Variants in ANO1 observed in about 807,000 individuals in gnomAD.
The protein encoded by ANO1 is anoctamin-1.
ANO1 carries 59 observed loss-of-function variants against 124.0 expected under a neutral mutation model. The observed-to-expected ratio is 0.48, with a 90% CI of 0.39 to 0.59. ANO1 has a LOEUF of 0.59. ANO1 is among the 20% of genes least tolerant of loss of function. The pLI is 0.00. For synonymous variants in ANO1, 529 were observed against 532.0 expected (o/e 0.99, Z 0.08); for missense variants, 1,059 against 1,328.0 (o/e 0.80, Z 3.15).
chr11:70,111,587 G>A, intron 6 of ANO1, 120 bp from the exon 7 acceptor site: 2 of 931,038 alleles, frequency 2.1e-6, no homozygotes, highest in Non-Finnish European at 3.5e-6. Context: ...TGCGTAGTCA[G>A]GTTCGTTTCA....
At chr11:70,132,481 C>T (rs914221791) in intron 11 of ANO1, among the ~76,000 whole-genome samples, 2 of 152,170 alleles carry the variant, frequency 1.3e-5, no homozygotes, top group African/African-American at 4.8e-5. Flanking sequence ...CCCGGAGGCA[C>T]CGTGTCTCAC....
At chr11:70,111,850 C>A in intron 7 of ANO1, 88 bp downstream of exon 7, 2 of 1,324,328 alleles carry the variant, frequency 1.5e-6, no homozygotes, top group Non-Finnish European at 2.2e-6. Flanking sequence ...CTGCAATTAT[C>A]CTGTGGTCAC....
At chr11:70,179,775 C>G (rs563358543) in intron 22 of ANO1, among the ~76,000 whole-genome samples, 1 of 152,290 alleles carries the variant, frequency 6.6e-6, no homozygotes, top group South Asian at 2.1e-4. Flanking sequence ...CTTTAAGCAC[C>G]TCTTTTAGAA....
At chr11:70,110,426 T>C (rs1458927456) in intron 6 of ANO1, among the ~76,000 whole-genome samples, 1 of 152,134 alleles carries the variant, frequency 6.6e-6, no homozygotes, top group African/African-American at 2.4e-5. Context: ...GACCTCGTGA[T>C]CCACCTGCCT....
At chr11:70,171,411 G>A (rs978395294) in intron 22 of ANO1, among the ~76,000 whole-genome samples, 3 of 152,168 alleles carry the variant, frequency 2.0e-5, no homozygotes, top group Non-Finnish European at 4.4e-5. Context: ...CAAGACCAAC[G>A]GGAAAGGAGT....
intron 1 of ANO1, among the ~76,000 whole-genome samples, chr11:70,057,434 T>TTTTGTG (rs1857464275): frequency 6.7e-6 from 1 of 149,810 alleles, no homozygotes. Context: ...AACTCCAATT[T>TTTTGTG]TGTGTGTGTG....
chr11:70,036,055 C>T (rs1476733094), intron 1 of ANO1, among the ~76,000 whole-genome samples: 1 of 152,138 alleles, frequency 6.6e-6, no homozygotes, highest in Non-Finnish European at 1.5e-5. Context: ...TAGGAGTCTC[C>T]TGAGACTGTT....
At chr11:70,085,768 C>A (rs1163434278) in intron 1 of ANO1, 5 of 1,365,442 alleles carry the variant, frequency 3.7e-6, no homozygotes, top group African/African-American at 1.5e-5. Flanking sequence ...TTCCCTCCCC[C>A]TCTCCCCCAC....
the ANO1 span, among the ~76,000 whole-genome samples, chr11:69,975,415 C>G: frequency 6.6e-6 from 1 of 152,238 alleles, no homozygotes; most frequent in African/African-American, 2.4e-5. Flanking sequence ...GACCCACTAA[C>G]AGCCACAGGC....
At chr11:70,161,952 T>TG (rs2048060146) in intron 18 of ANO1, among the ~76,000 whole-genome samples, 1 of 151,064 alleles carries the variant, frequency 6.6e-6, no homozygotes, top group Non-Finnish European at 1.5e-5. Flanking sequence ...ACCCAGGCAG[T>TG]GGGGACCCCA....
chr11:70,108,837 C>T (rs765543833), intron 6 of ANO1, among the ~76,000 whole-genome samples: 1 of 152,172 alleles, frequency 6.6e-6, no homozygotes, highest in Non-Finnish European at 1.5e-5. Context: ...AAAGCAGCGC[C>T]CCCTGACCAG....
intron 1 of ANO1, among the ~76,000 whole-genome samples, chr11:69,988,692 CT>C (rs1215807730): frequency 6.6e-6 from 1 of 152,168 alleles, no homozygotes; most frequent in East Asian, 1.9e-4. Context: ...CTTAGTTATT[CT>C]TTAATAAGCT....
chr11:70,173,917 A>C (rs1187365143), intron 22 of ANO1, among the ~76,000 whole-genome samples: 5 of 151,140 alleles, frequency 3.3e-5, no homozygotes, highest in Admixed American at 2.6e-4. Flanking sequence ...TGGGCATGCA[A>C]ATTTTTGTTG....
intron 1 of ANO1, among the ~76,000 whole-genome samples, chr11:70,062,928 T>G (rs1221739343): frequency 1.3e-5 from 2 of 151,848 alleles, no homozygotes; most frequent in Non-Finnish European, 2.9e-5. Flanking sequence ...TGTTGTTGTT[T>G]GTTGTTGTTG....
At chr11:70,058,423 A>T (rs544139275) in intron 1 of ANO1, among the ~76,000 whole-genome samples, 1 of 152,304 alleles carries the variant, frequency 6.6e-6, no homozygotes, top group African/African-American at 2.4e-5. Flanking sequence ...GCGGTTTTGG[A>T]GGACAACCGC....
rs370868772 is a variant in ANO1 at position 70,171,020 on chromosome 11, T to G, written c.2331T>G (p.Ala777=). The G allele has an allele frequency of 1.8e-5, 29 of 1,612,438 alleles. 2 individuals are homozygous for G. The Middle Eastern group carries it at 4.8e-3, about 266-fold the overall frequency. Residue 777 remains alanine (A), a synonymous_variant, in exon 22 of 26, where the codon GCT becomes GCG. Transcript: ENST00000355303. ...KFVTELRRPV[A]VRAKDIGIWY... ...TCACTGAGCTCCGAAGGCCGGTAGCTGTCAGAGCCAAAGACATCGGTGAGT... is the reference window on the plus strand; with the variant it reads ...TCACTGAGCTCCGAAGGCCGGTAGCGGTCAGAGCCAAAGACATCGGTGAGT...
At position 70,034,705 on chromosome 11, in the gene ANO1, G is replaced by A. The variant is rs541128063; in HGVS notation, c.59-43837G>A. On this transcript the variant is annotated intron_variant, in intron 1 of 27. Coordinates refer to the ANO1 transcript ENST00000531349. Reference sequence around the variant, plus strand: ...CATCAGAAGGAGAAAATCCCTGTGAGGATGAGCAGAGAGCTAAGGCACTCT... The same window carrying A: ...CATCAGAAGGAGAAAATCCCTGTGAAGATGAGCAGAGAGCTAAGGCACTCT... Among the ~76,000 whole-genome samples the A allele has an allele frequency of 3.3e-5, 5 of 152,238 alleles. No individual in the cohort carries two copies. In the East Asian group the frequency reaches 9.7e-4, roughly 29 times the overall value.
chr11:70,135,811 A>C (rs1000788153), intron 11 of ANO1, among the ~76,000 whole-genome samples: 1 of 152,246 alleles, frequency 6.6e-6, no homozygotes, highest in Admixed American at 6.5e-5. Flanking sequence ...TTCGAGCTTA[A>C]CACGCCGGGC....
chr11:70,188,051 G>A lies in ANO1; in HGVS notation c.*47G>A. 1.3e-6 allele frequency: 2 copies of A among 1,527,138 alleles called. No individual in the cohort carries two copies. The highest frequency in any genetic ancestry group is 1.2e-5 in the South Asian group (1 of 82,344). 94.6% of individuals were successfully genotyped at this position (1,527,138 alleles called of 1,614,324 possible). A position where few individuals can be genotyped will look rare whatever the true frequency, so the allele number is the denominator to read the frequency against. ...GGCCAGCCGGGCATCCTGACCGATG[G>A]GCACCCTCTCCCAGGGCAGGCGGCT... On this transcript the variant is annotated 3_prime_UTR_variant, in exon 26 of 26. Coordinates refer to ENST00000355303, the MANE Select transcript of ANO1 (RefSeq NM_018043.7).
Sources: gnomAD v4.1 joint callset for allele counts (sites outside exome capture counted in the v4.1 genomes callset) on GRCh38, gnomAD v4.1.1 for gene constraint, MANE v1.5 for transcripts, NCBI Gene and HGNC (gene_info 2026-07-23, HGNC 2026-07-21) for gene names.